NARS2: variants seen among roughly 807,000 people sequenced by gnomAD.
NARS2 encodes the protein asparaginyl-tRNA synthetase 2, mitochondrial.
In NARS2, 60 loss-of-function variants were observed where a neutral mutation model predicts 62.9. The ratio of observed to expected loss-of-function variants is 0.95; its 90% CI spans 0.77 to 1.18. The LOEUF (loss-of-function observed/expected upper bound fraction) is 1.18. Among genes scored for constraint, NARS2 ranks in the 50% most tolerant of loss-of-function variants. The pLI, the probability that NARS2 is intolerant of heterozygous loss-of-function variation, is 0.00. For synonymous variants in NARS2, 196 were observed against 200.0 expected (o/e 0.98, Z 0.17); for missense variants, 619 against 576.4 (o/e 1.07, Z -0.76).
chr11:78,570,446 G>A lies in NARS2; in HGVS notation c.251+889C>T, dbSNP rs938491177. On this transcript the variant is annotated intron_variant, in intron 2 of 13. Transcript: ENST00000281038. ...TCTATCACACAGGCTGGACTGCAGT[G>A]GCAAGATCTTGGCTCACCACAGCCT... 2.6e-5 allele frequency among the ~76,000 whole-genome samples: 4 copies of A among 152,296 alleles called. No homozygotes were observed. The East Asian group carries it at 7.7e-4, about 29-fold the overall frequency.
At chr11:78,449,074 C>T (rs57042969) in intron 11 of NARS2, among the ~76,000 whole-genome samples, 47,056 of 150,876 alleles carry the variant, frequency 0.31, 8,962 homozygotes, top group African/African-American at 0.53. Flanking sequence ...ATATCTGCAA[C>T]TGCACAGTTA....
intron 11 of NARS2, among the ~76,000 whole-genome samples, chr11:78,450,666 CTTTTTTTTTT>C (rs781420225): frequency 1.1e-4 from 11 of 101,582 alleles, no homozygotes; most frequent in African/African-American, 4.3e-4. Flanking sequence ...AAAGCCTTGT[CTTTTTTTTTT>C]TTTTTTTTTT....
intron 5 of NARS2, among the ~76,000 whole-genome samples, chr11:78,557,929 C>G (rs1856421996): frequency 6.6e-6 from 1 of 151,368 alleles, no homozygotes; most frequent in Non-Finnish European, 1.5e-5. Context: ...TATTTATGCA[C>G]ATTAAAAACT....
At chr11:78,525,211 T>C (rs1861253668) in intron 6 of NARS2, among the ~76,000 whole-genome samples, 1 of 152,114 alleles carries the variant, frequency 6.6e-6, no homozygotes, top group Non-Finnish European at 1.5e-5. Context: ...ACTATAATGG[T>C]GAACGTATGT....
intron 7 of NARS2, among the ~76,000 whole-genome samples, chr11:78,478,933 G>T (rs761625392): frequency 6.6e-6 from 1 of 152,282 alleles, no homozygotes; most frequent in South Asian, 2.1e-4. Flanking sequence ...GTAAAGAAGT[G>T]AGATGTCAAA....
At chr11:78,517,275 T>C (rs1023702645) in intron 6 of NARS2, among the ~76,000 whole-genome samples, 3 of 152,230 alleles carry the variant, frequency 2.0e-5, no homozygotes, top group African/African-American at 7.2e-5. Flanking sequence ...TACCATTTCC[T>C]GAGACAGGGA....
chr11:78,522,768 T>C (rs1861176639), intron 6 of NARS2, among the ~76,000 whole-genome samples: 1 of 152,240 alleles, frequency 6.6e-6, no homozygotes, highest in Non-Finnish European at 1.5e-5. Context: ...AAGCATTTTT[T>C]TTATAATGTA....
At chr11:78,537,944 A>C (rs1322082015) in intron 5 of NARS2, among the ~76,000 whole-genome samples, 4 of 152,244 alleles carry the variant, frequency 2.6e-5, no homozygotes, top group Non-Finnish European at 4.4e-5. Context: ...AGTCGCCTAT[A>C]GTCAACTGCA....
In NARS2 at chr11:78,454,682, G is replaced by A. The variant is rs955848965; in HGVS notation, c.1165-10924C>T. 3.3e-5 allele frequency among the ~76,000 whole-genome samples: 5 copies of A among 151,140 alleles called. No homozygotes were observed. In the East Asian group the frequency reaches 9.7e-4, roughly 29 times the overall value. On this transcript the variant is annotated intron_variant, in intron 11 of 13. Transcript: ENST00000281038. ...CGCCTGGGCTGGAGTGCAGTGGCGT[G>A]ATCTCGGCTCACTGCAACCTCCACC...
rs147957704 is a variant in NARS2, at chr11:78,530,153, C to T, written c.595-1217G>A. Among the ~76,000 whole-genome samples, 319 of 151,344 alleles carry T rather than the reference C, an allele frequency of 2.1e-3. 2 individuals are homozygous for T. The highest frequency in any genetic ancestry group is 7.3e-3 in the African/African-American group (301 of 41,240). ...GATACTAGTCAGAGATCGATGAATGCCTTTTTTATGAAAAAGTCCATCTTT... is the reference window on the plus strand; with the variant it reads ...GATACTAGTCAGAGATCGATGAATGTCTTTTTTATGAAAAAGTCCATCTTT... On this transcript the variant is annotated intron_variant, in intron 5 of 13. Transcript: ENST00000281038.
chr11:78,524,555 G>T (rs1181791659), intron 6 of NARS2, among the ~76,000 whole-genome samples: 3 of 151,920 alleles, frequency 2.0e-5, no homozygotes. Context: ...GATGAGAAAT[G>T]GAATACTTCA....
At chr11:78,518,078 C>T (rs994761343) in intron 6 of NARS2, among the ~76,000 whole-genome samples, 2 of 152,080 alleles carry the variant, frequency 1.3e-5, no homozygotes, top group African/African-American at 4.8e-5. Flanking sequence ...ACAGATTCAA[C>T]CGACTTTGGA....
chr11:78,492,096 T>C (rs570796890), intron 7 of NARS2, among the ~76,000 whole-genome samples: 3 of 142,094 alleles, frequency 2.1e-5, no homozygotes, highest in Non-Finnish European at 3.0e-5. Flanking sequence ...TTCATATATA[T>C]ATATATATAT....
At chr11:78,560,759 T>C (rs1416170310) in intron 4 of NARS2, among the ~76,000 whole-genome samples, 1 of 152,236 alleles carries the variant, frequency 6.6e-6, no homozygotes, top group Non-Finnish European at 1.5e-5. Context: ...AGTATTAAAA[T>C]GTACACTTAA....
At chr11:78,522,341 T>C (rs1052906072) in intron 6 of NARS2, among the ~76,000 whole-genome samples, 1 of 152,040 alleles carries the variant, frequency 6.6e-6, no homozygotes, top group African/African-American at 2.4e-5. Flanking sequence ...ATGATACCTA[T>C]CTAAGTGAAT....
chr11:78,533,710 C>A (rs922143531), intron 5 of NARS2, among the ~76,000 whole-genome samples: 1 of 152,172 alleles, frequency 6.6e-6, no homozygotes, highest in African/African-American at 2.4e-5. Flanking sequence ...AACAGTCCCA[C>A]AGGATTTGGA....
intron 5 of NARS2, among the ~76,000 whole-genome samples, chr11:78,540,957 G>A (rs1228148196): frequency 2.6e-5 from 4 of 152,102 alleles, no homozygotes; most frequent in Admixed American, 1.3e-4. Context: ...TCAGGAGTTC[G>A]AGACCAGCCT....
chr11:78,557,081 C>T (rs1856380549), intron 5 of NARS2, among the ~76,000 whole-genome samples: 2 of 152,102 alleles, frequency 1.3e-5, no homozygotes, highest in African/African-American at 4.8e-5. Flanking sequence ...CAAACCTTAA[C>T]AAATATCAAA....
intron 6 of NARS2, among the ~76,000 whole-genome samples, chr11:78,502,417 C>G (rs890442742): frequency 6.6e-6 from 1 of 152,180 alleles, no homozygotes; most frequent in South Asian, 2.1e-4. Flanking sequence ...TATATGGACA[C>G]CAGTCATACT....
Sources: gnomAD v4.1 joint callset for allele counts (sites outside exome capture counted in the v4.1 genomes callset) on GRCh38, gnomAD v4.1.1 for gene constraint, MANE v1.5 for transcripts, NCBI Gene and HGNC (gene_info 2026-07-23, HGNC 2026-07-21) for gene names.